CSMD1: variants seen among roughly 807,000 people sequenced by gnomAD.
The protein encoded by CSMD1 is CUB and Sushi multiple domains 1.
In CSMD1, 213 loss-of-function variants were observed where a neutral mutation model predicts 417.5. The observed-to-expected ratio is 0.51, with a 90% CI of 0.46 to 0.57. The LOEUF is 0.57. CSMD1 is among the 20% of genes least tolerant of loss of function. The pLI is 0.00. For missense variants in CSMD1, 6,923 were observed against 4,529.7 expected (o/e 1.53, Z -15.17); for synonymous variants, 2,862 against 1,736.8 (o/e 1.65, Z -16.11).
intron 41 of CSMD1, among the ~76,000 whole-genome samples, chr8:3,134,361 C>A (rs1308376653): frequency 2.6e-5 from 4 of 152,168 alleles, no homozygotes; most frequent in Non-Finnish European, 5.9e-5. Context: ...CTGGATTCCA[C>A]GGTCACAGGC....
intron 3 of CSMD1, among the ~76,000 whole-genome samples, chr8:4,051,558 A>T (rs1488334289): frequency 6.6e-6 from 1 of 152,182 alleles, no homozygotes; most frequent in African/African-American, 2.4e-5. Flanking sequence ...CAACTCCAAC[A>T]ATCAAGCAAA....
chr8:3,523,346 T>C (rs1034226650), intron 10 of CSMD1, among the ~76,000 whole-genome samples: 2 of 152,218 alleles, frequency 1.3e-5, no homozygotes, highest in Non-Finnish European at 2.9e-5. Context: ...GGCAACACAG[T>C]GTCATTCTGA....
At chr8:3,307,612 A>G (rs1401928172) in intron 25 of CSMD1, 83 bp downstream of exon 25, 2 of 1,417,040 alleles carry the variant, frequency 1.4e-6, no homozygotes, top group East Asian at 2.3e-5. Context: ...AACCATGGAT[A>G]TTTGGTGTAC....
rs754452145 is a variant in CSMD1, at chr8:3,219,382, G to C, written c.4545C>G (p.Ser1515Arg). 5 of 1,567,144 alleles carry C rather than the reference G, an allele frequency of 3.2e-6. No homozygotes were observed. Among genetic ancestry groups the C allele is most frequent in the African/African-American group, 1.4e-5 (1 of 73,680 alleles). Reference protein sequence around the residue: ...LHIYEGEDSNSPLIGSYQGSQ... With the variant: ...LHIYEGEDSNRPLIGSYQGSQ... ...AGCCCTGGTAACTCCCAATGAGGGGGCTGTTGGAATCTTCCCCTTCATAGA... is the reference window on the plus strand; with the variant it reads ...AGCCCTGGTAACTCCCAATGAGGGGCCTGTTGGAATCTTCCCCTTCATAGA... The change falls in exon 29 of 70, where the codon AGC becomes AGG. Residue 1515 changes from serine to arginine, a missense_variant. Physicochemically the swap from Ser to Arg is moderately radical, Grantham distance 110 (BLOSUM62 -1). Coordinates refer to ENST00000635120, the MANE Select transcript of CSMD1 (RefSeq NM_033225.6).
At chr8:4,366,994 T>G (rs547588761) in intron 3 of CSMD1, among the ~76,000 whole-genome samples, 1 of 152,184 alleles carries the variant, frequency 6.6e-6, no homozygotes, top group Non-Finnish European at 1.5e-5. Context: ...ATTCTGGAGG[T>G]TGTCTGCTTA....
intron 1 of CSMD1, among the ~76,000 whole-genome samples, chr8:4,847,632 G>A (rs867115417): frequency 2.6e-4 from 40 of 152,028 alleles, no homozygotes; most frequent in South Asian, 1.7e-3. Flanking sequence ...ACCCCACCGA[G>A]GACCCTGTAT....
chr8:3,503,345 A>C (rs1796686797), intron 10 of CSMD1, among the ~76,000 whole-genome samples: 1 of 152,258 alleles, frequency 6.6e-6, no homozygotes, highest in Admixed American at 6.5e-5. Flanking sequence ...TTCACACATT[A>C]TTTCAAATGT....
chr8:4,557,299 A>G (rs145685619), intron 2 of CSMD1, among the ~76,000 whole-genome samples: 5 of 152,318 alleles, frequency 3.3e-5, no homozygotes, highest in African/African-American at 1.2e-4. Flanking sequence ...ATTTCTATCA[A>G]AGAAAATCAC....
intron 3 of CSMD1, among the ~76,000 whole-genome samples, chr8:4,287,973 G>C (rs568414049): frequency 1.4e-4 from 21 of 152,166 alleles, no homozygotes; most frequent in African/African-American, 4.8e-4. Context: ...AAGACAATAT[G>C]ATAATAAAAT....
intron 1 of CSMD1, among the ~76,000 whole-genome samples, chr8:4,827,826 G>C (rs1388685627): frequency 6.6e-6 from 1 of 152,072 alleles, no homozygotes; most frequent in Non-Finnish European, 1.5e-5. Context: ...TAATCTACAG[G>C]TACAGCCTGT....
chr8:3,536,150 T>A (rs923792694), intron 10 of CSMD1, among the ~76,000 whole-genome samples: 2 of 152,210 alleles, frequency 1.3e-5, no homozygotes, highest in African/African-American at 4.8e-5. Context: ...TCATCAACTG[T>A]CATTACATAG....
At chr8:4,310,245 C>T (rs111491897) in intron 3 of CSMD1, among the ~76,000 whole-genome samples, 1 of 152,228 alleles carries the variant, frequency 6.6e-6, no homozygotes, top group Admixed American at 6.5e-5. Flanking sequence ...ACTTATCACA[C>T]AGAAAAATAT....
chr8:3,342,457 G>T (rs766103067), intron 23 of CSMD1, among the ~76,000 whole-genome samples: 5 of 152,128 alleles, frequency 3.3e-5, no homozygotes, highest in African/African-American at 1.2e-4. Context: ...TGAAGGATTT[G>T]ACAATTTTAT....
intron 5 of CSMD1, among the ~76,000 whole-genome samples, chr8:3,972,039 T>C (rs550953007): frequency 3.3e-5 from 5 of 151,812 alleles, no homozygotes; most frequent in Non-Finnish European, 7.4e-5. Context: ...CCTAAGTAAT[T>C]TGTAAATTTT....
intron 20 of CSMD1, among the ~76,000 whole-genome samples, chr8:3,361,065 C>G (rs1248852262): frequency 6.6e-6 from 1 of 152,148 alleles, no homozygotes; most frequent in Non-Finnish European, 1.5e-5. Flanking sequence ...AACATTCAAA[C>G]TAACATTGAT....
chr8:4,780,536 G>C (rs78513637), intron 1 of CSMD1, among the ~76,000 whole-genome samples: 1,747 of 152,080 alleles, frequency 0.011, 33 homozygotes, highest in African/African-American at 0.041. Context: ...TTGATGTTTT[G>C]TGCCCAAGGT....
At chr8:4,857,221 G>C (rs972561450) in intron 1 of CSMD1, among the ~76,000 whole-genome samples, 1 of 149,034 alleles carries the variant, frequency 6.7e-6, no homozygotes, top group Admixed American at 6.7e-5. Flanking sequence ...AAACCAACGA[G>C]AACAAAGACA....
chr8:4,771,233 G>A (rs1054699373), intron 1 of CSMD1, among the ~76,000 whole-genome samples: 1 of 152,182 alleles, frequency 6.6e-6, no homozygotes, highest in African/African-American at 2.4e-5. Context: ...AGGCAGAGCT[G>A]GATGAGGAAG....
intron 2 of CSMD1, among the ~76,000 whole-genome samples, chr8:4,522,047 C>T (rs975427821): frequency 4.6e-5 from 7 of 152,154 alleles, no homozygotes; most frequent in African/African-American, 1.4e-4. Context: ...TACGGTTTGG[C>T]TGTGTCCCCA....
Sources: allele counts gnomAD v4.1 joint callset (sites outside exome capture counted in the v4.1 genomes callset), GRCh38; gene constraint gnomAD v4.1.1; transcripts MANE v1.5; gene names NCBI Gene and HGNC (gene_info 2026-07-23, HGNC 2026-07-21).